Variants in DNAH6 observed in about 807,000 individuals in gnomAD.
The protein encoded by DNAH6 is dynein axonemal heavy chain 6.
A neutral mutation model predicts 491.4 loss-of-function variants in DNAH6; 340 were observed. That is an observed-to-expected ratio of 0.69 (90% CI 0.63 to 0.76). The LOEUF is 0.76. DNAH6 is among the 30% of genes least tolerant of loss of function. DNAH6 has a pLI of 0.00. For synonymous variants in DNAH6, 1,603 were observed against 1,686.1 expected (o/e 0.95, Z 1.21); for missense variants, 4,443 against 4,972.2 (o/e 0.89, Z 3.20).
intron 49 of DNAH6, among the ~76,000 whole-genome samples, chr2:84,702,373 T>C (rs1695996488): frequency 1.3e-5 from 2 of 152,178 alleles, no homozygotes; most frequent in Admixed American, 1.3e-4. Context: ...GTCATCATCA[T>C]CATCAGGAAA....
At chr2:84,528,872 ATTT>A (rs67469465) in intron 3 of DNAH6, 29 bp from the exon 4 acceptor site, 2 of 1,329,288 alleles carry the variant, frequency 1.5e-6, no homozygotes, top group African/African-American at 3.1e-5. Flanking sequence ...GCAAAGACTC[ATTT>A]TTTTTTTTCA....
At position 84,654,787 on chromosome 2, in the gene DNAH6, G is replaced by A. The variant is rs1282062347; in HGVS notation, c.5757+5G>A. On this transcript the variant is annotated splice_donor_5th_base_variant and intron_variant, in intron 35 of 76. Coordinates refer to ENST00000389394, the MANE Select transcript of DNAH6 (RefSeq NM_001370.2). Reference sequence around the variant, plus strand: ...ATGAAGGGTATTTCTAAAAAAGTAAGTGCCATCAGATATTCCCCAATATCT... The same window carrying A: ...ATGAAGGGTATTTCTAAAAAAGTAAATGCCATCAGATATTCCCCAATATCT... 2 of 1,550,398 alleles carry A rather than the reference G, an allele frequency of 1.3e-6. No homozygotes were observed. The highest frequency in any genetic ancestry group is 2.4e-5 in the South Asian group (2 of 83,982).
chr2:84,600,495 T>G (rs1451719636), intron 18 of DNAH6, among the ~76,000 whole-genome samples: 1 of 152,174 alleles, frequency 6.6e-6, no homozygotes, highest in Admixed American at 6.5e-5. Flanking sequence ...TCATGTCTTC[T>G]TAGGCTCTAC....
intron 76 of DNAH6, among the ~76,000 whole-genome samples, chr2:84,816,672 A>ATAATC (rs1680517397): frequency 6.6e-6 from 1 of 152,208 alleles, no homozygotes; most frequent in Non-Finnish European, 1.5e-5. Context: ...GCAGTGAGCC[A>ATAATC]ACATTGGGCC....
chr2:84,760,189 G>A (rs1386816779), intron 63 of DNAH6, among the ~76,000 whole-genome samples: 1 of 152,064 alleles, frequency 6.6e-6, no homozygotes, highest in Non-Finnish European at 1.5e-5. Context: ...AGACTTAAAA[G>A]TAAGACCTGA....
chr2:84,579,121 A>G (rs924975133), intron 13 of DNAH6, among the ~76,000 whole-genome samples: 1 of 152,180 alleles, frequency 6.6e-6, no homozygotes, highest in Admixed American at 6.5e-5. Context: ...CAAAAAAGCC[A>G]TGTTCCTATT....
intron 19 of DNAH6, among the ~76,000 whole-genome samples, chr2:84,605,097 C>T (rs1685623746): frequency 6.6e-6 from 1 of 151,908 alleles, no homozygotes; most frequent in African/African-American, 2.4e-5. Flanking sequence ...CCTGTAATCC[C>T]AGCACTTTGG....
intron 18 of DNAH6, among the ~76,000 whole-genome samples, chr2:84,604,109 G>A (rs974308691): frequency 5.3e-5 from 8 of 152,202 alleles, no homozygotes; most frequent in African/African-American, 1.7e-4. Flanking sequence ...GGAGAAACCT[G>A]TCGGTATCAA....
At chr2:84,463,493 A>G in the DNAH6 span, among the ~76,000 whole-genome samples, 16 of 152,312 alleles carry the variant, frequency 1.1e-4, no homozygotes, top group Non-Finnish European at 1.8e-4. Context: ...TAGTCTCCCC[A>G]CCACCTGGTT....
rs1235520939 is a variant in DNAH6 at position 84,785,098 on chromosome 2, G to C, written c.10953+288G>C. Among the ~76,000 whole-genome samples the C allele has an allele frequency of 2.0e-5, 3 of 152,282 alleles. No homozygotes were observed. In the East Asian group the frequency reaches 5.8e-4, roughly 29 times the overall value. On this transcript the variant is annotated intron_variant, in intron 66 of 76. Coordinates refer to ENST00000389394, the MANE Select transcript of DNAH6 (RefSeq NM_001370.2). ...GAAGAGAACCCCTTCTAGTGTTAAGGGAATGTTTCAGTATTTGAGAGACAG... is the reference window on the plus strand; with the variant it reads ...GAAGAGAACCCCTTCTAGTGTTAAGCGAATGTTTCAGTATTTGAGAGACAG...
intron 51 of DNAH6, 92 bp from the exon 52 acceptor site, chr2:84,705,394 G>C: frequency 3.4e-6 from 4 of 1,185,942 alleles, no homozygotes; most frequent in Non-Finnish European, 4.6e-6. Flanking sequence ...CCACTTATTG[G>C]GATAATATCA....
At chr2:84,597,133 C>G (rs1442761782) in intron 18 of DNAH6, among the ~76,000 whole-genome samples, 1 of 152,148 alleles carries the variant, frequency 6.6e-6, no homozygotes, top group African/African-American at 2.4e-5. Flanking sequence ...TTTTCTGTCT[C>G]TATAGTTTTG....
intron 56 of DNAH6, among the ~76,000 whole-genome samples, chr2:84,711,401 C>A (rs1558945444): frequency 6.6e-6 from 1 of 152,120 alleles, no homozygotes; most frequent in South Asian, 2.1e-4. Flanking sequence ...TCAGTTTAAC[C>A]GTGCCTAGAA....
At chr2:84,748,990 G>C (rs1431755738) in intron 63 of DNAH6, among the ~76,000 whole-genome samples, 1 of 152,088 alleles carries the variant, frequency 6.6e-6, no homozygotes, top group Non-Finnish European at 1.5e-5. Context: ...GGGGAGAGAG[G>C]CACCAGACTC....
intron 11 of DNAH6, among the ~76,000 whole-genome samples, chr2:84,564,463 T>C (rs1680974398): frequency 1.3e-5 from 2 of 152,290 alleles, no homozygotes; most frequent in South Asian, 4.1e-4. Flanking sequence ...ATAAATGGGA[T>C]TGAGTTATTG....
chr2:84,720,477 A>G (rs1048880843), intron 59 of DNAH6, among the ~76,000 whole-genome samples: 42 of 150,370 alleles, frequency 2.8e-4, no homozygotes, highest in African/African-American at 9.5e-4. Context: ...ACGGGGTTTC[A>G]CCGTTTTAGC....
chr2:84,470,541 G>A, the DNAH6 span, among the ~76,000 whole-genome samples: 1 of 152,146 alleles, frequency 6.6e-6, no homozygotes, highest in Non-Finnish European at 1.5e-5. Context: ...TTGTCATGGT[G>A]CTGGTGAGAG....
chr2:84,604,188 A>G (rs920994377), intron 18 of DNAH6, 151 bp from the exon 19 acceptor site: 2 of 634,148 alleles, frequency 3.2e-6, no homozygotes, highest in Non-Finnish European at 5.4e-6. Context: ...AATTAGAGTC[A>G]TTAATTTGCA....
At chr2:84,720,359 A>G (rs1323540470) in intron 59 of DNAH6, among the ~76,000 whole-genome samples, 1 of 133,028 alleles carries the variant, frequency 7.5e-6, no homozygotes, top group African/African-American at 2.8e-5. Flanking sequence ...GCTCACTGCA[A>G]GCTCCGCCTC....
Sources: allele counts gnomAD v4.1 joint callset (sites outside exome capture counted in the v4.1 genomes callset), GRCh38; gene constraint gnomAD v4.1.1; transcripts MANE v1.5; gene names NCBI Gene and HGNC (gene_info 2026-07-23, HGNC 2026-07-21).